The following DARS1 variants were observed in gnomAD, a reference collection of about 807,000 sequenced individuals.
DARS1 encodes the protein aspartyl-tRNA synthetase 1, also known as aspartate--tRNA ligase, cytoplasmic.
DARS1 carries 51 observed loss-of-function variants against 68.8 expected under a neutral mutation model. The observed-to-expected ratio is 0.74, with a 90% confidence interval of 0.59 to 0.94. DARS1 has a LOEUF of 0.94. DARS1 is among the 40% of genes least tolerant of loss of function. The pLI, the probability that DARS1 is intolerant of heterozygous loss-of-function variation, is 0.00. For synonymous variants in DARS1, 203 were observed against 190.4 expected, an observed-to-expected ratio of 1.07 and a Z score of -0.55; for missense variants, 607 against 597.3, an observed-to-expected ratio of 1.02 and a Z score of -0.17.
In DARS1 at chr2:135,985,537, T is replaced by C. The variant is rs757681701; in HGVS notation, c.-69A>G. 6.2e-7 allele frequency: 1 copy of C among 1,611,164 alleles called. No individual in the cohort carries two copies. The highest frequency in any genetic ancestry group is 2.2e-5 in the East Asian group (1 of 44,798). ...CTTCCGTAAGGCAGGCCAAAGGGGC[T>C]TCTCCCTCCCTCCCAGTCTCCGCCC... On this transcript the variant is annotated 5_prime_UTR_variant, in exon 1 of 16. Coordinates refer to ENST00000264161, the MANE Select transcript of DARS1 (RefSeq NM_001349.4).
chr2:135,927,505 T>C (rs1681245051), intron 7 of DARS1, among the ~76,000 whole-genome samples: 1 of 152,118 alleles, frequency 6.6e-6, no homozygotes, highest in African/African-American at 2.4e-5. Context: ...TAATATTAGT[T>C]TCCTTAATGT....
chr2:135,927,575 A>T (rs546026578), intron 7 of DARS1, among the ~76,000 whole-genome samples: 2 of 152,272 alleles, frequency 1.3e-5, no homozygotes, highest in East Asian at 3.9e-4. Flanking sequence ...AATATGTAAA[A>T]AAAATAATAC....
At chr2:135,966,356 A>G (rs1682236343) in intron 3 of DARS1, among the ~76,000 whole-genome samples, 1 of 152,144 alleles carries the variant, frequency 6.6e-6, no homozygotes, top group African/African-American at 2.4e-5. Context: ...ATAATTCCTC[A>G]GTTTAGTAAA....
At chr2:135,951,258 G>T (rs936022800) in intron 4 of DARS1, among the ~76,000 whole-genome samples, 1 of 152,170 alleles carries the variant, frequency 6.6e-6, no homozygotes, top group African/African-American at 2.4e-5. Flanking sequence ...CTCCTCTTTG[G>T]TGTCTACTCT....
In DARS1 at chr2:135,930,947, G is replaced by A. The variant is rs188020088; in HGVS notation, c.564+1836C>T. 5.8e-4 allele frequency among the ~76,000 whole-genome samples: 88 copies of A among 152,262 alleles called. 1 individual carries two copies. In the East Asian group the frequency reaches 0.016, roughly 28 times the overall value. On this transcript the variant is annotated intron_variant, in intron 7 of 15. Transcript: ENST00000264161. ...TGTGAGTGCTATGTATGAAAAGGGT[G>A]CCAAAGACATTTTAATTCACTTTTC...
At chr2:135,979,157 GAA>G in intron 3 of DARS1, 115 bp downstream of exon 3, 1 of 665,052 alleles carries the variant, frequency 1.5e-6, no homozygotes, top group Non-Finnish European at 2.7e-6. Flanking sequence ...TTTTAAGAAA[GAA>G]AAGTTACATG....
At chr2:135,948,041 C>T (rs867807016) in intron 4 of DARS1, among the ~76,000 whole-genome samples, 1 of 152,120 alleles carries the variant, frequency 6.6e-6, no homozygotes, top group Non-Finnish European at 1.5e-5. Context: ...GAGAATTAAT[C>T]CCACAAACGA....
chr2:135,931,561 G>A (rs1044489243), intron 7 of DARS1, among the ~76,000 whole-genome samples: 3 of 152,088 alleles, frequency 2.0e-5, no homozygotes, highest in Non-Finnish European at 4.4e-5. Context: ...AGAAGGAAAC[G>A]AAGGTGCTTA....
intron 4 of DARS1, among the ~76,000 whole-genome samples, chr2:135,949,519 A>G (rs1681799602): frequency 6.6e-6 from 1 of 152,218 alleles, no homozygotes; most frequent in Non-Finnish European, 1.5e-5. Flanking sequence ...ACAGGCCTGG[A>G]TAGATGGGTA....
At chr2:135,921,522 T>C (rs1681110173) in intron 9 of DARS1, among the ~76,000 whole-genome samples, 1 of 152,196 alleles carries the variant, frequency 6.6e-6, no homozygotes, top group Non-Finnish European at 1.5e-5. Context: ...TTTTTACAGT[T>C]ACTATTTATA....
At chr2:135,928,656 G>A (rs1020698704) in intron 7 of DARS1, among the ~76,000 whole-genome samples, 3 of 148,214 alleles carry the variant, frequency 2.0e-5, no homozygotes, top group Admixed American at 1.4e-4. Context: ...CCAGATTTAC[G>A]CAGAATTTCT....
chr2:135,920,182 A>C (rs1681085689), intron 10 of DARS1, among the ~76,000 whole-genome samples: 2 of 152,202 alleles, frequency 1.3e-5, no homozygotes, highest in Admixed American at 1.3e-4. Context: ...GGAAACAAAA[A>C]CAACAACAAA....
At chr2:135,939,113 TAAC>T (rs758092116) in intron 5 of DARS1, among the ~76,000 whole-genome samples, 25 of 152,090 alleles carry the variant, frequency 1.6e-4, no homozygotes, top group Non-Finnish European at 3.2e-4. Context: ...GACAGAAAGA[TAAC>T]AAGGATATCC....
At chr2:135,969,082 G>A (rs1682305849) in intron 3 of DARS1, among the ~76,000 whole-genome samples, 1 of 152,092 alleles carries the variant, frequency 6.6e-6, no homozygotes, top group African/African-American at 2.4e-5. Flanking sequence ...TTGGGAGGAT[G>A]ATCTAGTATT....
chr2:135,908,301 T>TA (rs954864156), intron 15 of DARS1, among the ~76,000 whole-genome samples: 2 of 152,164 alleles, frequency 1.3e-5, no homozygotes, highest in Non-Finnish European at 2.9e-5. Flanking sequence ...TTAAAATACA[T>TA]AAAAAATCTA....
intron 3 of DARS1, among the ~76,000 whole-genome samples, chr2:135,965,704 C>CT (rs1459312399): frequency 1.3e-5 from 2 of 152,168 alleles, no homozygotes; most frequent in Non-Finnish European, 2.9e-5. Flanking sequence ...AAAACGTTAT[C>CT]TTTGACTCAA....
At chr2:135,963,570 C>G (rs559119262) in intron 3 of DARS1, among the ~76,000 whole-genome samples, 2 of 152,188 alleles carry the variant, frequency 1.3e-5, no homozygotes, top group South Asian at 2.1e-4. Flanking sequence ...TGGGGTTTCA[C>G]CATGTTGGCC....
chr2:135,917,374 A>G (rs1681027606), intron 10 of DARS1, among the ~76,000 whole-genome samples: 1 of 152,214 alleles, frequency 6.6e-6, no homozygotes, highest in Non-Finnish European at 1.5e-5. Context: ...ATTTTTCCAT[A>G]ATTAACAGAC....
chr2:135,919,466 T>G (rs1681070758), intron 10 of DARS1, among the ~76,000 whole-genome samples: 1 of 152,224 alleles, frequency 6.6e-6, no homozygotes, highest in South Asian at 2.1e-4. Flanking sequence ...GGTCTTCAAA[T>G]AAAAATTTTA....
Sources: allele counts gnomAD v4.1 joint callset (sites outside exome capture counted in the v4.1 genomes callset), GRCh38; gene constraint gnomAD v4.1.1; transcripts MANE v1.5; gene names NCBI Gene and HGNC (gene_info 2026-07-23, HGNC 2026-07-21).